Variants in ITIH5 observed in about 807,000 individuals in gnomAD.
ITIH5 encodes the protein inter-alpha-trypsin inhibitor heavy chain 5.
A neutral mutation model predicts 77.5 loss-of-function variants in ITIH5; 65 were observed. The ratio of observed to expected loss-of-function variants is 0.84; its 90% CI spans 0.69 to 1.03. The LOEUF is 1.03. ITIH5 is among the 50% of genes least tolerant of loss of function. The pLI is 0.00. For synonymous variants in ITIH5, 525 were observed against 494.3 expected (o/e 1.06, Z -0.82); for missense variants, 1,208 against 1,213.1 (o/e 1.00, Z 0.06).
rs139409658 is a variant in ITIH5, at chr10:7,658,007, C to T, written c.91-2332G>A. 1.2e-3 allele frequency among the ~76,000 whole-genome samples: 178 copies of T among 152,234 alleles called. 1 individual carries two copies. The highest frequency in any genetic ancestry group is 9.7e-3 in the Admixed American group (148 of 15,292). On this transcript the variant is annotated intron_variant, in intron 1 of 13. Transcript: ENST00000397146. Reference sequence around the variant, plus strand: ...TAAGACATTGAGAATTGGGGATTGCCGGATACCACAGCGTAACCTAGTCTA... The same window carrying T: ...TAAGACATTGAGAATTGGGGATTGCTGGATACCACAGCGTAACCTAGTCTA...
rs150959478 is a variant in ITIH5, at chr10:7,617,119, G to A, written c.816C>T (p.Asp272=). Residue 272 remains aspartate, a synonymous_variant, in exon 6 of 14, where the codon GAC becomes GAT. Transcript: ENST00000397146. ...YDVNREQSIG[D]IQVLNGYFVH... ...GCAACGACGATCCTATTACCTGGAT[G>A]TCCCCAATGCTCTGTTCTCTATTGA... 1.6e-4 allele frequency: 240 copies of A among 1,538,914 alleles called. No homozygotes were observed. Among genetic ancestry groups the A allele is most frequent in the Non-Finnish European group, 2.0e-4 (234 of 1,149,344 alleles).
chr10:7,623,652 A>G (rs1186860982), intron 5 of ITIH5, among the ~76,000 whole-genome samples: 4 of 151,952 alleles, frequency 2.6e-5, no homozygotes, highest in Admixed American at 1.3e-4. Flanking sequence ...AAATACAAAA[A>G]AATAGCCAGG....
chr10:7,576,221 C>T (rs951531428), intron 10 of ITIH5, among the ~76,000 whole-genome samples: 2 of 152,118 alleles, frequency 1.3e-5, no homozygotes, highest in African/African-American at 4.8e-5. Flanking sequence ...GAGACAGGGT[C>T]TCTCTGTGTT....
At chr10:7,632,059 A>G (rs766361217) in intron 5 of ITIH5, among the ~76,000 whole-genome samples, 69 of 152,080 alleles carry the variant, frequency 4.5e-4, no homozygotes, top group Non-Finnish European at 8.8e-4. Context: ...TTGCCCTTCC[A>G]AAATACTGGG....
chr10:7,657,063 T>TA (rs35914305), intron 1 of ITIH5, among the ~76,000 whole-genome samples: 20,033 of 125,726 alleles, frequency 0.16, 2,085 homozygotes, highest in Non-Finnish European at 0.22. Flanking sequence ...TTTTTTTTTT[T>TA]AGACGGAGTC....
At chr10:7,606,019 GACAAGT>G (rs1833118982) in intron 7 of ITIH5, among the ~76,000 whole-genome samples, 1 of 152,174 alleles carries the variant, frequency 6.6e-6, no homozygotes, top group South Asian at 2.1e-4. Flanking sequence ...ACTCTATACT[GACAAGT>G]GTCTCTTTGT....
rs372669694 is a variant in ITIH5, at chr10:7,625,943, G to A, written c.653-8661C>T. Among the ~76,000 whole-genome samples the A allele has an allele frequency of 1.5e-3, 235 of 152,268 alleles. 1 individual carries two copies. The highest frequency in any genetic ancestry group is 7.3e-3 in the South Asian group (35 of 4,826). On this transcript the variant is annotated intron_variant, in intron 5 of 13. Coordinates refer to ENST00000397146, the MANE Select transcript of ITIH5 (RefSeq NM_030569.7). ...GTAGATTCCAGGAACCTTGCACAGC[G>A]CCAGAAACATGTGAGAGTTCACGTC...
At chr10:7,613,997 T>C (rs139373782) in intron 7 of ITIH5, among the ~76,000 whole-genome samples, 219 of 152,322 alleles carry the variant, frequency 1.4e-3, no homozygotes, top group African/African-American at 5.1e-3. Flanking sequence ...AACAGACCAT[T>C]ATCTTAGGCC....
chr10:7,630,697 CTTTGTATA>C (rs1431904833), intron 5 of ITIH5, among the ~76,000 whole-genome samples: 1 of 152,096 alleles, frequency 6.6e-6, no homozygotes, highest in Non-Finnish European at 1.5e-5. Flanking sequence ...TGTAAGGATT[CTTTGTATA>C]TTCTGGACAC....
intron 3 of ITIH5, 71 bp from the exon 4 acceptor site, chr10:7,640,926 C>A: frequency 1.0e-6 from 1 of 961,860 alleles, no homozygotes; most frequent in Non-Finnish European, 1.7e-6. Context: ...ATCTTATAAC[C>A]ATGACAACCC....
intron 7 of ITIH5, 134 bp downstream of exon 7, chr10:7,615,845 CAAG>C: frequency 3.0e-6 from 2 of 659,284 alleles, no homozygotes; most frequent in Non-Finnish European, 5.5e-6. Flanking sequence ...TGAATCCGCT[CAAG>C]AAGGCTTTCC....
chr10:7,656,178 A>G (rs1834178172), intron 1 of ITIH5, among the ~76,000 whole-genome samples: 1 of 152,100 alleles, frequency 6.6e-6, no homozygotes, highest in South Asian at 2.1e-4. Context: ...ATGATTTCTT[A>G]TATGCTTCCA....
At chr10:7,645,503 C>G (rs1378640848) in intron 2 of ITIH5, among the ~76,000 whole-genome samples, 5 of 152,168 alleles carry the variant, frequency 3.3e-5, no homozygotes, top group Non-Finnish European at 7.3e-5. Context: ...AATGCCTGAT[C>G]AAGCTTGAGA....
At chr10:7,586,944 C>A (rs1272472717) in intron 7 of ITIH5, among the ~76,000 whole-genome samples, 1 of 152,114 alleles carries the variant, frequency 6.6e-6, no homozygotes, top group Non-Finnish European at 1.5e-5. Context: ...GATTCTCCTG[C>A]CTCAGCTTCC....
At chr10:7,574,942 C>G (rs1364726703) in intron 10 of ITIH5, among the ~76,000 whole-genome samples, 1 of 152,028 alleles carries the variant, frequency 6.6e-6, no homozygotes, top group East Asian at 1.9e-4. Context: ...GACCTAGCAT[C>G]AAGATCTTAT....
intron 5 of ITIH5, chr10:7,622,604 GA>G (rs1164728663): frequency 6.6e-6 from 1 of 151,690 alleles, no homozygotes; most frequent in Non-Finnish European, 1.5e-5. Context: ...CTGAAAGCTT[GA>G]AAAAAACAAT....
chr10:7,645,516 G>A (rs934034982), intron 2 of ITIH5, among the ~76,000 whole-genome samples: 8 of 152,132 alleles, frequency 5.3e-5, no homozygotes, highest in Non-Finnish European at 1.0e-4. Flanking sequence ...GCTTGAGAAT[G>A]TCTCTTTTTA....
At chr10:7,603,450 A>G (rs1404454155) in intron 7 of ITIH5, among the ~76,000 whole-genome samples, 1 of 152,172 alleles carries the variant, frequency 6.6e-6, no homozygotes, top group Non-Finnish European at 1.5e-5. Context: ...GGATGATGAG[A>G]TGTCCTAAAA....
At chr10:7,603,162 T>G (rs949736000) in intron 7 of ITIH5, among the ~76,000 whole-genome samples, 1 of 152,140 alleles carries the variant, frequency 6.6e-6, no homozygotes, top group African/African-American at 2.4e-5. Flanking sequence ...GCTCTCAGAA[T>G]CTCTGCTAAA....
Sources: gnomAD v4.1 joint callset for allele counts (sites outside exome capture counted in the v4.1 genomes callset) on GRCh38, gnomAD v4.1.1 for gene constraint, MANE v1.5 for transcripts, NCBI Gene and HGNC (gene_info 2026-07-23, HGNC 2026-07-21) for gene names.